INSR: variants seen among roughly 807,000 people sequenced by gnomAD.
The protein encoded by INSR is insulin receptor.
INSR carries 67 observed loss-of-function variants against 142.6 expected under a neutral mutation model. The ratio of observed to expected loss-of-function variants is 0.47; its 90% confidence interval spans 0.39 to 0.58. The LOEUF (loss-of-function observed/expected upper bound fraction) is 0.58. Among genes scored for constraint, INSR ranks in the 20% least tolerant of loss-of-function variants. The pLI, the probability that INSR is intolerant of heterozygous loss-of-function variation, is 0.00. For synonymous variants in INSR, 756 were observed against 743.1 expected, an observed-to-expected ratio of 1.02 and a Z score of -0.28; for missense variants, 1,248 against 1,833.2, an observed-to-expected ratio of 0.68 and a Z score of 5.83.
At chr19:7,268,555 C>T (rs1486596490) in intron 1 of INSR, 3 of 985,198 alleles carry the variant, frequency 3.0e-6, no homozygotes, top group East Asian at 2.3e-4. Flanking sequence ...AAGATTCTGC[C>T]CCTACATCCC....
intron 2 of INSR, among the ~76,000 whole-genome samples, chr19:7,201,849 G>C (rs1317403855): frequency 6.6e-6 from 1 of 151,744 alleles, no homozygotes; most frequent in African/African-American, 2.4e-5. Context: ...TTTTAGTAGA[G>C]ACGGGGTTTC....
intron 13 of INSR, 46 bp downstream of exon 13, chr19:7,141,631 G>A (rs761314811): frequency 3.7e-6 from 6 of 1,612,082 alleles, no homozygotes; most frequent in Non-Finnish European, 3.4e-6. Context: ...CTCTGAAGGG[G>A]CATGCTGAAG....
intron 2 of INSR, among the ~76,000 whole-genome samples, chr19:7,259,416 C>G (rs1324487328): frequency 6.6e-6 from 1 of 152,024 alleles, no homozygotes; most frequent in African/African-American, 2.4e-5. Context: ...GTGGTCTCAA[C>G]AATAAATAAG....
rs16994220 is a variant in INSR at position 7,146,728 on chromosome 19, A to G, written c.2268-3638T>C. ...CTTTTTTGAGGAAATTATTTGACAC[A>G]TATCTTTTTCCAAGGTTCATAACCA... On this transcript the variant is annotated intron_variant, in intron 11 of 21. Transcript: ENST00000302850. Among the ~76,000 whole-genome samples, 838 of 152,334 alleles carry G rather than the reference A, an allele frequency of 5.5e-3. 25 individuals are homozygous for G. In the East Asian group the frequency reaches 0.074, roughly 14 times the overall value.
At position 7,199,173 on chromosome 19, in the gene INSR, T is replaced by C. The variant is rs140951757; in HGVS notation, c.653-14536A>G. Reference sequence around the variant, plus strand: ...TGGGATTACAGGCATGAATACACTTTAAAGTGTGTAATCTGTTTGCAGCAC... The same window carrying C: ...TGGGATTACAGGCATGAATACACTTCAAAGTGTGTAATCTGTTTGCAGCAC... On this transcript the variant is annotated intron_variant, in intron 2 of 21. Coordinates refer to ENST00000302850, the MANE Select transcript of INSR (RefSeq NM_000208.4). 5.8e-3 allele frequency among the ~76,000 whole-genome samples: 879 copies of C among 152,244 alleles called. 8 individuals are homozygous for C. Among genetic ancestry groups the C allele is most frequent in the Non-Finnish European group, 9.3e-3 (634 of 68,010 alleles).
chr19:7,152,856 C>T lies in INSR; in HGVS notation c.2101G>A (p.Glu701Lys), dbSNP rs781369204. ...CATTCGCCGGCCGAATCCTCATACT[C>T]ACTCTGGTTGTGCTTCTGAGAATCT... is the stretch of plus-strand genomic sequence containing the variant. ...SEDSQKHNQS[E>K]YEDSAGECCS... The change falls in exon 10 of 22, where the codon GAG becomes AAG. Residue 701 changes from glutamate (E) to lysine (K), a missense_variant. Physicochemically the swap from Glu to Lys is moderately conservative, Grantham distance 56 (BLOSUM62 1). Transcript: ENST00000302850. 1.6e-5 allele frequency: 26 copies of T among 1,613,406 alleles called. No individual in the cohort carries two copies. In the South Asian group the frequency reaches 2.5e-4, roughly 16 times the overall value.
chr19:7,191,963 AGAAGGAGGGAAG>A (rs1423482600), intron 2 of INSR, among the ~76,000 whole-genome samples: 1 of 148,106 alleles, frequency 6.8e-6, no homozygotes, highest in Non-Finnish European at 1.5e-5. Flanking sequence ...ATAAAAAGAA[AGAAGGAGGGAAG>A]GAAGGAGGGA....
chr19:7,130,588 C>G (rs1431461338), intron 14 of INSR, among the ~76,000 whole-genome samples: 1 of 152,216 alleles, frequency 6.6e-6, no homozygotes, highest in Non-Finnish European at 1.5e-5. Context: ...GTGTGTAGCA[C>G]CATCTCCCCG....
intron 2 of INSR, among the ~76,000 whole-genome samples, chr19:7,246,909 T>TGAGAGC (rs1190921910): frequency 6.2e-5 from 9 of 145,310 alleles, no homozygotes; most frequent in East Asian, 2.0e-4. Flanking sequence ...TGATACAAGC[T>TGAGAGC]CCATGAATGA....
intron 6 of INSR, among the ~76,000 whole-genome samples, chr19:7,169,576 C>CAAAAAAAAAAA (rs74174872): frequency 6.3e-5 from 6 of 94,798 alleles, no homozygotes; most frequent in African/African-American, 2.2e-4. Context: ...GACTCTGTCC[C>CAAAAAAAAAAA]AAAAAAAAAA....
chr19:7,227,677 C>A (rs575265066), intron 2 of INSR, among the ~76,000 whole-genome samples: 74 of 152,246 alleles, frequency 4.9e-4, no homozygotes, highest in Middle Eastern at 6.8e-3. Flanking sequence ...TCCCCTTTCA[C>A]CAAGAGGACC....
intron 9 of INSR, among the ~76,000 whole-genome samples, chr19:7,153,331 CCCA>C (rs1973479368): frequency 2.0e-5 from 2 of 100,382 alleles, no homozygotes; most frequent in Non-Finnish European, 3.6e-5. Context: ...ACCACACACA[CCCA>C]CGCCACACAC....
At chr19:7,243,629 C>T (rs1976438339) in intron 2 of INSR, among the ~76,000 whole-genome samples, 1 of 152,274 alleles carries the variant, frequency 6.6e-6, no homozygotes, top group South Asian at 2.1e-4. Context: ...ACTCAGTTAC[C>T]TGCTATTTCA....
chr19:7,197,961 AGT>A (rs1243704501), intron 2 of INSR, among the ~76,000 whole-genome samples: 19 of 109,056 alleles, frequency 1.7e-4, no homozygotes, highest in Non-Finnish European at 1.1e-4. Context: ...CCATGGTGGG[AGT>A]GTGTGTGTGT....
rs927667916 is a variant in INSR, at chr19:7,282,771, G to T, written c.100+11021C>A. Among the ~76,000 whole-genome samples, 4 of 151,774 alleles carry T rather than the reference G, an allele frequency of 2.6e-5. 1 individual carries two copies. The South Asian group carries it at 6.2e-4, about 24-fold the overall frequency. On this transcript the variant is annotated intron_variant, in intron 1 of 21. Coordinates refer to ENST00000302850, the MANE Select transcript of INSR (RefSeq NM_000208.4). ...GGAGGCCGAGGTGGGGGATCACGAG[G>T]TCAGGAGATCGAGACCACGGTGAAA...
At chr19:7,154,590 C>T (rs993782671) in intron 9 of INSR, among the ~76,000 whole-genome samples, 3 of 150,968 alleles carry the variant, frequency 2.0e-5, no homozygotes, top group Admixed American at 6.6e-5. Flanking sequence ...GCGTGAGCCA[C>T]TGCACCCGGC....
At chr19:7,250,291 A>T (rs1270090870) in intron 2 of INSR, among the ~76,000 whole-genome samples, 2 of 133,444 alleles carry the variant, frequency 1.5e-5, no homozygotes, top group Non-Finnish European at 3.2e-5. Flanking sequence ...AGGGGAGGAG[A>T]AGAAGGGGAG....
At chr19:7,135,679 A>G (rs1402136503) in intron 13 of INSR, among the ~76,000 whole-genome samples, 1 of 151,800 alleles carries the variant, frequency 6.6e-6, no homozygotes, top group East Asian at 1.9e-4. Flanking sequence ...AAAAAAAAAT[A>G]CCTTCCACCA....
chr19:7,117,968 G>A (rs1407140386), intron 21 of INSR, among the ~76,000 whole-genome samples: 7 of 150,802 alleles, frequency 4.6e-5, no homozygotes, highest in South Asian at 2.1e-4. Context: ...GTGCAGTGGC[G>A]CAATCATAGC....
Sources: allele counts gnomAD v4.1 joint callset (sites outside exome capture counted in the v4.1 genomes callset), GRCh38; gene constraint gnomAD v4.1.1; transcripts MANE v1.5; gene names NCBI Gene and HGNC (gene_info 2026-07-23, HGNC 2026-07-21).